The following DDAH1 variants were observed in gnomAD, a reference collection of about 807,000 sequenced individuals.
DDAH1 encodes the protein N(G),N(G)-dimethylarginine dimethylaminohydrolase 1.
In DDAH1, 19 loss-of-function variants were observed where a neutral mutation model predicts 28.8. The ratio of observed to expected loss-of-function variants is 0.66; its 90% CI spans 0.46 to 0.97. The LOEUF (loss-of-function observed/expected upper bound fraction) is 0.97, where lower values mean the gene tolerates loss of function less well. DDAH1 is among the 50% of genes least tolerant of loss of function. DDAH1 has a pLI of 0.00. For missense variants in DDAH1, 326 were observed against 375.9 expected, an observed-to-expected ratio of 0.87 and a Z score of 1.10; for synonymous variants, 153 against 154.4, an observed-to-expected ratio of 0.99 and a Z score of 0.07.
At chr1:85,365,063 A>G (rs1031514501) in intron 1 of DDAH1, among the ~76,000 whole-genome samples, 8 of 152,320 alleles carry the variant, frequency 5.3e-5, no homozygotes, top group South Asian at 2.1e-4. Context: ...GCACTCTACT[A>G]TGAACTCATA....
chr1:85,376,573 T>C (rs1650677288), intron 1 of DDAH1, among the ~76,000 whole-genome samples: 1 of 152,066 alleles, frequency 6.6e-6, no homozygotes. Flanking sequence ...GAGAAGCTTT[T>C]CTTTTCACAG....
At chr1:85,349,222 G>C (rs918731323) in intron 4 of DDAH1, among the ~76,000 whole-genome samples, 1 of 152,198 alleles carries the variant, frequency 6.6e-6, no homozygotes, top group Non-Finnish European at 1.5e-5. Context: ...CAAATTCTGA[G>C]ACAGATTGTT....
Position 85,538,470 on chromosome 1 carries a change from A to G in DDAH1, c.-123+39514T>C, listed in dbSNP as rs538590919. ...ATTATTAGTGTTGGATTGCCCTAAA[A>G]GGGGAACACCCGGGGGCCTACCTCA... is the stretch of plus-strand genomic sequence containing the variant. On this transcript the variant is annotated intron_variant, in intron 1 of 6. Coordinates refer to the DDAH1 transcript ENST00000426972. 1.6e-3 allele frequency among the ~76,000 whole-genome samples: 248 copies of G among 152,302 alleles called. 2 individuals carry two copies. Among genetic ancestry groups the G allele is most frequent in the African/African-American group, 5.6e-3 (231 of 41,564 alleles).
intron 1 of DDAH1, chr1:85,398,746 T>G (rs1222412942): frequency 6.6e-6 from 1 of 152,220 alleles, no homozygotes; most frequent in African/African-American, 2.4e-5. Flanking sequence ...TCTTAATTTT[T>G]CCTTGCTTAT....
chr1:85,329,501 C>T (rs1262840828), intron 4 of DDAH1, among the ~76,000 whole-genome samples: 1 of 152,166 alleles, frequency 6.6e-6, no homozygotes, highest in African/African-American at 2.4e-5. Flanking sequence ...CATTCCTATA[C>T]TTACTAACAT....
At chr1:85,565,197 GT>G (rs907732719) in intron 1 of DDAH1, among the ~76,000 whole-genome samples, 1 of 129,884 alleles carries the variant, frequency 7.7e-6, no homozygotes, top group African/African-American at 3.0e-5. Flanking sequence ...ACGAGACTCC[GT>G]TAAAAAAAAA....
intron 1 of DDAH1, among the ~76,000 whole-genome samples, chr1:85,459,840 AC>A (rs1268517953): frequency 2.0e-5 from 3 of 152,388 alleles, no homozygotes; most frequent in East Asian, 3.9e-4. Context: ...ATTCTCATTT[AC>A]GAGAGAAGGG....
chr1:85,512,857 C>A (rs908959528), intron 1 of DDAH1, among the ~76,000 whole-genome samples: 3 of 151,988 alleles, frequency 2.0e-5, no homozygotes, highest in Admixed American at 1.3e-4. Context: ...AAGAGGACAC[C>A]AACAAATGGA....
At chr1:85,565,843 G>T (rs529068273) in intron 1 of DDAH1, among the ~76,000 whole-genome samples, 1 of 152,166 alleles carries the variant, frequency 6.6e-6, no homozygotes. Flanking sequence ...CACTTTGGGA[G>T]GCCAAGGTGG....
At chr1:85,476,181 C>G (rs1655798296) in intron 2 of DDAH1, among the ~76,000 whole-genome samples, 1 of 152,184 alleles carries the variant, frequency 6.6e-6, no homozygotes, top group Admixed American at 6.5e-5. Flanking sequence ...TTGTTACACG[C>G]TTCTTTATTT....
At chr1:85,328,305 C>T (rs779196415) in intron 4 of DDAH1, among the ~76,000 whole-genome samples, 3 of 152,132 alleles carry the variant, frequency 2.0e-5, no homozygotes, top group Admixed American at 6.6e-5. Context: ...TATATCAAAC[C>T]GAACACATAA....
At chr1:85,523,584 G>T (rs1384506298) in intron 1 of DDAH1, among the ~76,000 whole-genome samples, 1 of 151,930 alleles carries the variant, frequency 6.6e-6, no homozygotes. Context: ...GCAAGAGCCT[G>T]GCCTGGAGCA....
At chr1:85,503,864 G>T (rs1656914694) in intron 1 of DDAH1, among the ~76,000 whole-genome samples, 2 of 152,148 alleles carry the variant, frequency 1.3e-5, no homozygotes, top group Non-Finnish European at 1.5e-5. Flanking sequence ...TGGGGGAAAA[G>T]GTCAGTCTAG....
At chr1:85,337,101 A>G (rs970583798) in intron 4 of DDAH1, among the ~76,000 whole-genome samples, 3 of 152,174 alleles carry the variant, frequency 2.0e-5, no homozygotes, top group African/African-American at 7.2e-5. Context: ...AAGGACAAAA[A>G]CCATATGATT....
intron 1 of DDAH1, among the ~76,000 whole-genome samples, chr1:85,522,659 T>G (rs1245821204): frequency 6.6e-6 from 1 of 151,938 alleles, no homozygotes; most frequent in Admixed American, 6.6e-5. Context: ...CAGGCTTACT[T>G]TTTTTTTCCT....
At chr1:85,479,785 T>C (rs1417377466) in intron 2 of DDAH1, among the ~76,000 whole-genome samples, 1 of 152,154 alleles carries the variant, frequency 6.6e-6, no homozygotes, top group African/African-American at 2.4e-5. Flanking sequence ...AGGGTGAAAA[T>C]GGTGCTTCCA....
At chr1:85,406,635 T>C (rs1189862789) in intron 1 of DDAH1, among the ~76,000 whole-genome samples, 1 of 152,200 alleles carries the variant, frequency 6.6e-6, no homozygotes, top group East Asian at 1.9e-4. Context: ...GAAATATGTA[T>C]ACATTGTGGA....
At chr1:85,536,922 CA>C (rs1213283191) in intron 1 of DDAH1, among the ~76,000 whole-genome samples, 2 of 140,042 alleles carry the variant, frequency 1.4e-5, no homozygotes, top group African/African-American at 5.3e-5. Context: ...TGTCAAACAA[CA>C]GATGAATAGA....
intron 1 of DDAH1, among the ~76,000 whole-genome samples, chr1:85,506,035 T>C (rs1657005544): frequency 6.6e-6 from 1 of 152,208 alleles, no homozygotes; most frequent in Non-Finnish European, 1.5e-5. Context: ...AAAATGTGGC[T>C]ATTAATCATG....
Sources: allele counts gnomAD v4.1 joint callset (sites outside exome capture counted in the v4.1 genomes callset), GRCh38; gene constraint gnomAD v4.1.1; transcripts MANE v1.5; gene names NCBI Gene and HGNC (gene_info 2026-07-23, HGNC 2026-07-21).